The following UNKL variants were observed in gnomAD, a reference collection of about 807,000 sequenced individuals.
UNKL encodes putative E3 ubiquitin-protein ligase UNKL.
UNKL carries 60 observed loss-of-function variants against 78.0 expected under a neutral mutation model. That is an observed-to-expected ratio of 0.77 (90% CI 0.63 to 0.95). UNKL has a LOEUF of 0.95. Ranked by LOEUF, UNKL falls within the 40% of genes least tolerant of loss-of-function variation. The probability of loss-of-function intolerance (pLI) is 0.00; values close to 1 mark genes in which losing one functional copy is unlikely to be tolerated. For missense variants in UNKL, 1,159 were observed against 1,045.7 expected (o/e 1.11, Z -1.49); for synonymous variants, 608 against 474.8 (o/e 1.28, Z -3.65).
intron 2 of UNKL, among the ~76,000 whole-genome samples, chr16:1,413,480 A>G (rs2038140081): frequency 6.6e-6 from 1 of 152,198 alleles, no homozygotes; most frequent in Non-Finnish European, 1.5e-5. Flanking sequence ...AGGCAGGAGA[A>G]TCACTTGAAC....
At chr16:1,404,935 T>C (rs1226660695) in intron 2 of UNKL, among the ~76,000 whole-genome samples, 3 of 152,140 alleles carry the variant, frequency 2.0e-5, no homozygotes, top group Admixed American at 1.3e-4. Context: ...GGCTGACATC[T>C]GTAATCCCAG....
intron 14 of UNKL, among the ~76,000 whole-genome samples, chr16:1,366,810 AGGGAGGGATGGGGCCACG>A (rs1232747114): frequency 6.6e-6 from 1 of 151,588 alleles, no homozygotes; most frequent in East Asian, 2.0e-4. Flanking sequence ...AGCTGTGAAC[AGGGAGGGATGGGGCCACG>A]GGGAGCAGTG....
Position 1,371,532 on chromosome 16 carries a change from G to C in UNKL, c.1344C>G (p.Asp448Glu). The change falls in exon 11 of 15, where the codon GAC becomes GAG. Residue 448 changes from aspartate (D) to glutamate (E), a missense_variant. Coordinates refer to ENST00000389221, the MANE Select transcript of UNKL (RefSeq NM_001372107.1). ...EKDLEEQDGH[D>E]LGAAGPRSLA... Reference sequence around the variant, plus strand: ...CCCCACCCTCACCTGCTGCTCCCAGGTCGTGGCCGTCTTGCTCTTCCAGGT... The same window carrying C: ...CCCCACCCTCACCTGCTGCTCCCAGCTCGTGGCCGTCTTGCTCTTCCAGGT... The C allele has an allele frequency of 1.3e-6, 2 of 1,536,176 alleles. No individual in the cohort carries two copies. Among genetic ancestry groups the C allele is most frequent in the Non-Finnish European group, 1.7e-6 (2 of 1,146,904 alleles).
chr16:1,394,360 TC>T, intron 6 of UNKL, 145 bp from the exon 7 acceptor site: 1 of 951,628 alleles, frequency 1.1e-6, no homozygotes, highest in Non-Finnish European at 1.6e-6. Flanking sequence ...CCTGCCCTCC[TC>T]CACGTGTGCC....
At chr16:1,404,037 G>C (rs542631541) in intron 2 of UNKL, among the ~76,000 whole-genome samples, 35 of 152,334 alleles carry the variant, frequency 2.3e-4, no homozygotes, top group Non-Finnish European at 4.4e-4. Context: ...TCAAGTCATA[G>C]GCAGGCAGCA....
At chr16:1,377,675 T>G (rs2036335616) in intron 10 of UNKL, among the ~76,000 whole-genome samples, 1 of 152,142 alleles carries the variant, frequency 6.6e-6, no homozygotes, top group Admixed American at 6.5e-5. Flanking sequence ...GCCTCTCCTG[T>G]GGCCTGGACC....
At chr16:1,398,013 TTTAAC>T (rs1309354976) in intron 5 of UNKL, among the ~76,000 whole-genome samples, 2 of 152,218 alleles carry the variant, frequency 1.3e-5, no homozygotes, top group African/African-American at 2.4e-5. Flanking sequence ...CTTCACAGAA[TTTAAC>T]TTGAGTCTCA....
At chr16:1,409,444 C>T (rs1041176635) in intron 2 of UNKL, among the ~76,000 whole-genome samples, 2 of 152,116 alleles carry the variant, frequency 1.3e-5, no homozygotes, top group African/African-American at 4.8e-5. Context: ...CAGACACTTC[C>T]TAAAGGGCCG....
intron 11 of UNKL, 142 bp from the exon 12 acceptor site, chr16:1,370,499 GCCA>G (rs2141962180): frequency 2.2e-6 from 3 of 1,335,066 alleles, no homozygotes; most frequent in East Asian, 2.7e-5. Flanking sequence ...GGCCAGGCCA[GCCA>G]CCACCATCTA....
In UNKL at chr16:1,365,944, C is replaced by T. The variant is rs918859257; in HGVS notation, c.*296G>A. ...TGTGATCACAGCGCCGCGTGGATCC[C>T]GGAGGCACCAGGCCCCTCAGGGACA... On this transcript the variant is annotated 3_prime_UTR_variant, in exon 15 of 15. Transcript: ENST00000389221. 8.9e-5 allele frequency: 26 copies of T among 292,324 alleles called. No homozygotes were observed. The highest frequency in any genetic ancestry group is 1.7e-4 in the African/African-American group (8 of 46,460). 18.1% of individuals were successfully genotyped at this position (292,324 alleles called of 1,614,324 possible).
At chr16:1,368,604 G>A (rs1198068917) in intron 12 of UNKL, among the ~76,000 whole-genome samples, 4 of 62,832 alleles carry the variant, frequency 6.4e-5, no homozygotes, top group Non-Finnish European at 7.9e-5. Flanking sequence ...ATGAGACTCC[G>A]TCTCAAAAAA....
intron 11 of UNKL, among the ~76,000 whole-genome samples, chr16:1,371,292 A>G (rs1396727915): frequency 6.6e-6 from 1 of 152,108 alleles, no homozygotes; most frequent in East Asian, 1.9e-4. Context: ...CAGGGGAGGG[A>G]AAGGGAGAGG....
Position 1,395,863 on chromosome 16 carries a change from G to A in UNKL, c.852+1315C>T, listed in dbSNP as rs867351086. Reference sequence around the variant, plus strand: ...CACCGACACCCAGAAAGCATGATGCGCGTCTGTGACAACATGAGTCAAGAA... The same window carrying A: ...CACCGACACCCAGAAAGCATGATGCACGTCTGTGACAACATGAGTCAAGAA... On this transcript the variant is annotated intron_variant, in intron 6 of 14. Coordinates refer to ENST00000389221, the MANE Select transcript of UNKL (RefSeq NM_001372107.1). The A allele has an allele frequency of 1.3e-4, 57 of 426,390 alleles. 2 individuals carry two copies. In the Middle Eastern group the frequency reaches 4.7e-3, roughly 35 times the overall value. 26.4% of individuals were successfully genotyped at this position (426,390 alleles called of 1,614,324 possible). A position where few individuals can be genotyped will look rare whatever the true frequency, so the allele number is the denominator to read the frequency against.
At position 1,370,469 on chromosome 16, in the gene UNKL, A is replaced by T; in HGVS notation, c.1358-112T>A. 4,472 of 963,926 alleles carry T rather than the reference A, an allele frequency of 4.6e-3. 1 individual carries two copies. The highest frequency in any genetic ancestry group is 5.6e-3 in the Non-Finnish European group (3,825 of 678,278). 59.7% of individuals were successfully genotyped at this position (963,926 alleles called of 1,614,324 possible). A position where few individuals can be genotyped will look rare whatever the true frequency, so the allele number is the denominator to read the frequency against. On this transcript the variant is annotated intron_variant, in intron 11 of 14. Transcript: ENST00000389221. The stretch of plus-strand genomic sequence containing the variant: ...CCCTGCAGGTGGTGGTGGTGGGGAT[A>T]TGGGGGGTGGGAATATAGGGGCCAG...
chr16:1,372,467 G>A (rs543955477), intron 10 of UNKL, among the ~76,000 whole-genome samples: 1 of 152,082 alleles, frequency 6.6e-6, no homozygotes, highest in South Asian at 2.1e-4. Flanking sequence ...CAGGCCGTGG[G>A]GCTGCCCTCC....
rs1275602869 is a variant in UNKL at position 1,399,908 on chromosome 16, A to G, written c.599-399T>C. 6.6e-6 allele frequency among the ~76,000 whole-genome samples: 1 copy of G among 151,374 alleles called. No individual in the cohort carries two copies. The highest frequency in any genetic ancestry group is 1.5e-5 in the Non-Finnish European group (1 of 67,946). On this transcript the variant is annotated intron_variant, in intron 4 of 14. Coordinates refer to ENST00000389221, the MANE Select transcript of UNKL (RefSeq NM_001372107.1). This position sits in a 1 kb window ranked among gnomAD's most constrained non-coding sequence, Gnocchi z 5.8. ...TATGCTAAAATCCAGAGACATGCAC[A>G]CCCCGAAATGCCGCATGGTGAGCCT... is the stretch of plus-strand genomic sequence containing the variant.
chr16:1,414,151 C>G (rs2038173226), intron 1 of UNKL, 96 bp from the exon 2 acceptor site: 2 of 1,261,242 alleles, frequency 1.6e-6, no homozygotes, highest in Middle Eastern at 2.8e-4. Context: ...GGAGCCTCAA[C>G]CCAGGGTCGA....
chr16:1,403,041 A>G lies in UNKL; in HGVS notation c.464+127T>C. The G allele has an allele frequency of 1.0e-5, 12 of 1,195,382 alleles. No homozygotes were observed. Among genetic ancestry groups the G allele is most frequent in the Non-Finnish European group, 1.4e-5 (12 of 880,994 alleles). The allele number at this position is 1,195,382 out of a possible 1,614,324, so 74.0% of individuals were successfully genotyped here. A position where few individuals can be genotyped will look rare whatever the true frequency, so the allele number is the denominator to read the frequency against. ...ATCCAGACTCAGAAAGAAATTCTGG[A>G]GGAGAGAGATTTGGGCCAGCAGAGC... On this transcript the variant is annotated intron_variant, in intron 3 of 14. Transcript: ENST00000389221. This position sits in a 1 kb window ranked among gnomAD's most constrained non-coding sequence, Gnocchi z 4.8.
chr16:1,367,057 G>C (rs1265438133), intron 14 of UNKL, 35 bp downstream of exon 14: 1 of 1,486,986 alleles, frequency 6.7e-7, no homozygotes, highest in Admixed American at 2.2e-5. Flanking sequence ...CCTGCAGGCA[G>C]GCTGGCCCCT....
Sources: allele counts gnomAD v4.1 joint callset (sites outside exome capture counted in the v4.1 genomes callset), GRCh38; gene constraint gnomAD v4.1.1; non-coding constraint Gnocchi (gnomAD v3.1); transcripts MANE v1.5; gene names NCBI Gene and HGNC (gene_info 2026-07-23, HGNC 2026-07-21).